HMGXB3: variants seen among roughly 807,000 people sequenced by gnomAD.
HMGXB3 encodes the protein HMG-box containing 3.
Under a neutral mutation model 121.5 loss-of-function variants are expected in HMGXB3, and 45 were observed. That is an observed-to-expected ratio of 0.37 (90% CI 0.29 to 0.47). The LOEUF (loss-of-function observed/expected upper bound fraction) is 0.47. HMGXB3 is among the 20% of genes least tolerant of loss of function. The probability of loss-of-function intolerance (pLI) is 0.99; values close to 1 mark genes in which losing one functional copy is unlikely to be tolerated. For synonymous variants in HMGXB3, 590 were observed against 624.1 expected, an observed-to-expected ratio of 0.95 and a Z score of 0.81; for missense variants, 1,376 against 1,602.2, an observed-to-expected ratio of 0.86 and a Z score of 2.41.
chr5:150,024,601 A>G lies in HMGXB3; in HGVS notation c.1381A>G (p.Ser461Gly). The G allele has an allele frequency of 6.4e-7, 1 of 1,551,812 alleles. No individual in the cohort carries two copies. Among genetic ancestry groups the G allele is most frequent in the South Asian group, 1.2e-5 (1 of 84,052 alleles). Residue 461 changes from serine (S) to glycine (G), a missense_variant, in exon 7 of 20, where the codon AGT becomes GGT. By Grantham distance (56) the Ser-to-Gly change is moderately conservative (BLOSUM62 0). Around this residue, in one of 2 missense-constraint regions of HMGXB3, gnomAD observed 1,116 missense variants for 1,369.0 expected, o/e 0.82. Transcript: ENST00000502717. The stretch of plus-strand genomic sequence containing the variant: ...CACTCTGGGGACAACTGACAATGAC[A>G]GTCCTGGAGCAGACGTACCAACACC... ...EVTLGTTDND[S>G]PGADVPTPSE...
chr5:150,051,980 G>A lies in HMGXB3; in HGVS notation c.3667G>A (p.Asp1223Asn), dbSNP rs760182377. 7.7e-6 allele frequency: 12 copies of A among 1,552,100 alleles called. No homozygotes were observed. Among genetic ancestry groups the A allele is most frequent in the East Asian group, 4.9e-5 (2 of 40,940 alleles). ...NGVRQRPIAF[D>N]NATHYYLYNR... Reference sequence around the variant, plus strand: ...TGTCCGCCAGCGGCCCATTGCCTTCGACAATGCCACTCACTATTACCTCTA... The same window carrying A: ...TGTCCGCCAGCGGCCCATTGCCTTCAACAATGCCACTCACTATTACCTCTA... Residue 1223 changes from aspartate to asparagine, a missense_variant, in exon 20 of 20, where the codon GAC (aspartate) becomes AAC (asparagine). Physicochemically the swap from Asp to Asn is conservative, Grantham distance 23 (BLOSUM62 1). Transcript: ENST00000502717.
chr5:150,022,380 A>G (rs1015258604), intron 6 of HMGXB3, among the ~76,000 whole-genome samples: 2 of 152,226 alleles, frequency 1.3e-5, no homozygotes. Flanking sequence ...TGGATAAAAC[A>G]AAAGATAGTA....
chr5:150,028,555 ATATATT>A (rs1237288761), intron 9 of HMGXB3, among the ~76,000 whole-genome samples: 2 of 57,116 alleles, frequency 3.5e-5, no homozygotes, highest in African/African-American at 9.8e-5. Flanking sequence ...ATATATATAT[ATATATT>A]TTTTTTTTTT....
rs543378884 is a variant in HMGXB3, at chr5:150,048,765, T to C, written c.3201+80T>C. 1.4e-5 allele frequency: 15 copies of C among 1,083,240 alleles called. No individual in the cohort carries two copies. In the East Asian group the frequency reaches 3.4e-4, roughly 24 times the overall value. The allele number at this position is 1,083,240 out of a possible 1,614,324, so 67.1% of individuals were successfully genotyped here. ...ATACAGGGACTGATCCAGCTCAGTT[T>C]TGGGGGGCTAGACTTAGGTCACTGG... On this transcript the variant is annotated intron_variant, in intron 18 of 19. Transcript: ENST00000502717.
chr5:150,035,842 T>A (rs1043022781), intron 11 of HMGXB3, among the ~76,000 whole-genome samples: 3 of 152,050 alleles, frequency 2.0e-5, no homozygotes, highest in African/African-American at 7.2e-5. Context: ...TATACAAAAT[T>A]ACCTTGTACC....
In HMGXB3 at chr5:150,024,659, C is replaced by T. The variant is rs1357727715; in HGVS notation, c.1439C>T (p.Pro480Leu). 1.3e-6 allele frequency: 2 copies of T among 1,546,966 alleles called. No individual in the cohort carries two copies. The highest frequency in any genetic ancestry group is 1.7e-6 in the Non-Finnish European group (2 of 1,144,612). Reference sequence around the variant, plus strand: ...GGGACAAGTACCTCCAGTCCACTCCCTGCTCCTAAAAAACCTACAGGGTAA... The same window carrying T: ...GGGACAAGTACCTCCAGTCCACTCCTTGCTCCTAAAAAACCTACAGGGTAA... ...SEGTSTSSPL[P>L]APKKPTGADL... The change falls in exon 7 of 20, where the codon CCT (proline) becomes CTT (leucine). Residue 480 changes from proline to leucine, a missense_variant. Coordinates refer to ENST00000502717, the MANE Select transcript of HMGXB3 (RefSeq NM_014983.3).
At position 150,052,418 on chromosome 5, in the gene HMGXB3, C is replaced by A; in HGVS notation, c.*226C>A. ...GGTACCAGGAAACCTCTTCTGGCCC[C>A]GAGAGAGCACTTGGGGGACACGGTA... is the stretch of plus-strand genomic sequence containing the variant. On this transcript the variant is annotated 3_prime_UTR_variant, in exon 20 of 20. Coordinates refer to ENST00000502717, the MANE Select transcript of HMGXB3 (RefSeq NM_014983.3). The A allele has an allele frequency of 1.8e-6, 1 of 542,736 alleles. No homozygotes were observed. The highest frequency in any genetic ancestry group is 3.3e-6 in the Non-Finnish European group (1 of 303,342). The allele number at this position is 542,736 out of a possible 1,614,324, so 33.6% of individuals were successfully genotyped here. A position where few individuals can be genotyped will look rare whatever the true frequency, so the allele number is the denominator to read the frequency against.
intron 11 of HMGXB3, among the ~76,000 whole-genome samples, chr5:150,034,007 T>A (rs1186407878): frequency 6.6e-6 from 1 of 152,160 alleles, no homozygotes; most frequent in East Asian, 1.9e-4. Flanking sequence ...AGTTTCTCCA[T>A]TGGTAAAGTA....
At position 150,045,689 on chromosome 5, in the gene HMGXB3, A is replaced by T; in HGVS notation, c.2950+4A>T. 6.4e-7 allele frequency: 1 copy of T among 1,550,778 alleles called. No homozygotes were observed. Among genetic ancestry groups the T allele is most frequent in the Non-Finnish European group, 8.7e-7 (1 of 1,146,110 alleles). ...CTGGATGTGCAGCCAGTACCTGGTA[A>T]GGCCACCTGGTGGCTGACTGGGGTC... is the stretch of plus-strand genomic sequence containing the variant. On this transcript the variant is annotated splice_donor_region_variant and intron_variant, in intron 16 of 19. Coordinates refer to ENST00000502717, the MANE Select transcript of HMGXB3 (RefSeq NM_014983.3).
rs200441806 is a variant in HMGXB3, at chr5:150,032,616, C to T, written c.1983+13C>T. On this transcript the variant is annotated intron_variant, in intron 11 of 19. Coordinates refer to ENST00000502717, the MANE Select transcript of HMGXB3 (RefSeq NM_014983.3). ...CACCAAGGCTATCGTGAGTTCCTTC[C>T]CCCAAACACATCCCCTGGCCTGTTC... is the stretch of plus-strand genomic sequence containing the variant. 1.6e-3 allele frequency: 2,519 copies of T among 1,552,124 alleles called. 3 individuals are homozygous for T. The highest frequency in any genetic ancestry group is 2.0e-3 in the Non-Finnish European group (2,351 of 1,147,002).
intron 5 of HMGXB3, among the ~76,000 whole-genome samples, chr5:150,012,891 A>G (rs1755877135): frequency 6.6e-6 from 1 of 152,154 alleles, no homozygotes; most frequent in Admixed American, 6.5e-5. Flanking sequence ...TCAATATCTG[A>G]TTGCCTACAA....
chr5:150,048,230 T>A (rs1320686820), intron 17 of HMGXB3, among the ~76,000 whole-genome samples: 2 of 152,384 alleles, frequency 1.3e-5, no homozygotes, highest in East Asian at 3.9e-4. Flanking sequence ...TTCATATTTC[T>A]GTGCTGTTGA....
At chr5:150,014,159 C>T (rs183772451) in intron 5 of HMGXB3, among the ~76,000 whole-genome samples, 32 of 152,228 alleles carry the variant, frequency 2.1e-4, no homozygotes, top group Non-Finnish European at 4.3e-4. Flanking sequence ...TGGCTGCTCC[C>T]TCTACTAACG....
chr5:150,024,982 A>G (rs1249786095), intron 7 of HMGXB3, among the ~76,000 whole-genome samples: 1 of 152,342 alleles, frequency 6.6e-6, no homozygotes, highest in East Asian at 1.9e-4. Context: ...AGTCCTGGAT[A>G]CTGGATTTGG....
intron 14 of HMGXB3, among the ~76,000 whole-genome samples, chr5:150,041,311 T>C (rs1038969221): frequency 6.6e-6 from 1 of 152,188 alleles, no homozygotes; most frequent in Admixed American, 6.5e-5. Flanking sequence ...TCCCATCCCA[T>C]TCCTATAGGC....
At chr5:150,029,833 C>T (rs533301468) in intron 9 of HMGXB3, among the ~76,000 whole-genome samples, 76 of 152,328 alleles carry the variant, frequency 5.0e-4, no homozygotes, top group Non-Finnish European at 7.9e-4. Flanking sequence ...GTTTTGTTTT[C>T]CACACAGATG....
At chr5:150,005,416 G>A (rs1272702179) in intron 2 of HMGXB3, among the ~76,000 whole-genome samples, 2 of 151,914 alleles carry the variant, frequency 1.3e-5, no homozygotes, top group East Asian at 1.9e-4. Flanking sequence ...CCTGACCAAC[G>A]TGGAGAAACC....
intron 11 of HMGXB3, among the ~76,000 whole-genome samples, chr5:150,033,810 G>A (rs1756437285): frequency 6.6e-6 from 1 of 151,948 alleles, no homozygotes; most frequent in African/African-American, 2.4e-5. Context: ...ATGGAGAGAG[G>A]CCTTTTTGAT....
At chr5:150,007,009 T>C (rs1022813695) in intron 3 of HMGXB3, among the ~76,000 whole-genome samples, 1 of 152,256 alleles carries the variant, frequency 6.6e-6, no homozygotes, top group African/African-American at 2.4e-5. Flanking sequence ...TGAGTTTTCA[T>C]ATTACAGATT....
Sources: gnomAD v4.1 joint callset for allele counts (sites outside exome capture counted in the v4.1 genomes callset) on GRCh38, gnomAD v4.1.1 for gene constraint, gnomAD v4.1.1 regional missense constraint, MANE v1.5 for transcripts, NCBI Gene and HGNC (gene_info 2026-07-23, HGNC 2026-07-21) for gene names.